RPL27A: variants seen among roughly 807,000 people sequenced by gnomAD.
RPL27A encodes the protein ribosomal protein L27a, also known as large ribosomal subunit protein uL15.
For synonymous variants in RPL27A, 69 were observed against 68.3 expected (o/e 1.01, Z -0.05); for missense variants, 118 against 189.4 (o/e 0.62, Z 2.21).
chr11:8,684,368 C>G, intron 3 of RPL27A: 1 of 726,158 alleles, frequency 1.4e-6, no homozygotes, highest in Non-Finnish European at 2.5e-6. Context: ...TCACATTCAC[C>G]TACCCACAAA....
chr11:8,683,404 GA>G, intron 2 of RPL27A, 139 bp downstream of exon 2: 4 of 696,580 alleles, frequency 5.7e-6, no homozygotes, highest in Non-Finnish European at 1.0e-5. Context: ...TTTTTCTGAC[GA>G]TCCTCTAGTA....
In RPL27A at chr11:8,689,339, G is replaced by C. The variant is rs2039617004; in HGVS notation, c.*3533G>C. 6.6e-6 allele frequency: 1 copy of C among 152,206 alleles called. No homozygotes were observed. The highest frequency in any genetic ancestry group is 2.4e-5 in the African/African-American group (1 of 41,444). 9.4% of individuals were successfully genotyped at this position (152,206 alleles called of 1,614,324 possible). A position where few individuals can be genotyped will look rare whatever the true frequency, so the allele number is the denominator to read the frequency against. On this transcript the variant is annotated 3_prime_UTR_variant, in exon 5 of 5. Transcript: ENST00000314138. ...TCAGCGACATTCAAGGGCACTTTGG[G>C]CTAAAAAAGAAAGTGCTTGTACACG...
chr11:8,684,569 GTTGT>G, intron 3 of RPL27A, 145 bp from the exon 4 acceptor site: 1 of 718,892 alleles, frequency 1.4e-6, no homozygotes, highest in Middle Eastern at 2.5e-4. Flanking sequence ...TTTTAAAACA[GTTGT>G]TTAAGTCAAC....
At position 8,687,992 on chromosome 11, in the gene RPL27A, G is replaced by T. The variant is rs2039603101; in HGVS notation, c.*2186G>T. Reference sequence around the variant, plus strand: ...TTACGGGAGCAGATGGAGTCAATTGGCCTTCATGTGATTGTCAGTGGGAAA... The same window carrying T: ...TTACGGGAGCAGATGGAGTCAATTGTCCTTCATGTGATTGTCAGTGGGAAA... On this transcript the variant is annotated 3_prime_UTR_variant, in exon 5 of 5. Transcript: ENST00000314138. The T allele has an allele frequency of 2.0e-5, 3 of 152,190 alleles. No homozygotes were observed. In the South Asian group the frequency reaches 6.2e-4, roughly 32 times the overall value. The allele number at this position is 152,190 out of a possible 1,614,324, so 9.4% of individuals were successfully genotyped here.
rs1419264218 is a variant in RPL27A at position 8,689,525 on chromosome 11, A to G, written c.*3719A>G. ...CGAAAGTATCTTGAGAAAAAAAAAA[A>G]AACTACCAGAACTTGCCGTTGCTGA... On this transcript the variant is annotated 3_prime_UTR_variant, in exon 5 of 5. Transcript: ENST00000314138. The G allele has an allele frequency of 1.3e-5, 2 of 152,176 alleles. No homozygotes were observed. Among genetic ancestry groups the G allele is most frequent in the Admixed American group, 6.5e-5 (1 of 15,284 alleles). The allele number at this position is 152,176 out of a possible 1,614,324, so 9.4% of individuals were successfully genotyped here. A position where few individuals can be genotyped will look rare whatever the true frequency, so the allele number is the denominator to read the frequency against.
rs752928073 is a variant in RPL27A at position 8,682,809 on chromosome 11, C to G, written c.-5C>G. 6.2e-7 allele frequency: 1 copy of G among 1,613,146 alleles called. No individual in the cohort carries two copies. Among genetic ancestry groups the G allele is most frequent in the Non-Finnish European group, 8.5e-7 (1 of 1,179,532 alleles). ...AGGCCTTCCTTTTTCGTCTGGGCTG[C>G]CAACATGGTAGGTGTTTCGTTTCTT... On this transcript the variant is annotated 5_prime_UTR_variant, in exon 1 of 5. Transcript: ENST00000314138.
At chr11:8,682,989 T>C (rs2039516024) in intron 1 of RPL27A, 173 bp downstream of exon 1, 6 of 944,828 alleles carry the variant, frequency 6.4e-6, no homozygotes, top group Middle Eastern at 2.2e-4. Context: ...CGGAGCCGTG[T>C]GTTAGGCCCG....
intron 4 of RPL27A, chr11:8,685,317 G>A: frequency 2.0e-6 from 1 of 512,618 alleles, no homozygotes; most frequent in Non-Finnish European, 3.8e-6. Context: ...CAGAACCCTA[G>A]GGACGCTTTA....
chr11:8,689,096 G>A lies in RPL27A; in HGVS notation c.*3290G>A, dbSNP rs761977558. On this transcript the variant is annotated 3_prime_UTR_variant, in exon 5 of 5. Transcript: ENST00000314138. ...GGCAAGGGCGGAGCCGGCCAGTGGT[G>A]CGCGAGCGCAGATAACTCCCCTGGA... 5 of 152,288 alleles carry A rather than the reference G, an allele frequency of 3.3e-5. No homozygotes were observed. Among genetic ancestry groups the A allele is most frequent in the Non-Finnish European group, 4.4e-5 (3 of 68,062 alleles). The allele number at this position is 152,288 out of a possible 1,614,324, so 9.4% of individuals were successfully genotyped here.
chr11:8,682,998 C>T (rs570193399), intron 1 of RPL27A, 182 bp downstream of exon 1: 1 of 910,778 alleles, frequency 1.1e-6, no homozygotes, highest in African/African-American at 1.7e-5. Flanking sequence ...GTGTTAGGCC[C>T]GCGGTTCGGA....
Position 8,689,528 on chromosome 11 carries a change from C to A in RPL27A, c.*3722C>A, listed in dbSNP as rs1455560275. The stretch of plus-strand genomic sequence containing the variant: ...AAGTATCTTGAGAAAAAAAAAAAAA[C>A]TACCAGAACTTGCCGTTGCTGAAAA... On this transcript the variant is annotated 3_prime_UTR_variant, in exon 5 of 5. Coordinates refer to ENST00000314138, the MANE Select transcript of RPL27A (RefSeq NM_000990.5). The A allele has an allele frequency of 6.6e-6, 1 of 150,782 alleles. No individual in the cohort carries two copies. Among genetic ancestry groups the A allele is most frequent in the African/African-American group, 2.4e-5 (1 of 40,998 alleles). The allele number at this position is 150,782 out of a possible 1,614,324, so 9.3% of individuals were successfully genotyped here. A position where few individuals can be genotyped will look rare whatever the true frequency, so the allele number is the denominator to read the frequency against.
At chr11:8,684,166 C>T in intron 3 of RPL27A, 85 bp downstream of exon 3, 3 of 1,104,666 alleles carry the variant, frequency 2.7e-6, no homozygotes, top group South Asian at 2.5e-5. Flanking sequence ...AGTTTAGAAG[C>T]AAGCCTTGCC....
chr11:8,688,917 A>G lies in RPL27A; in HGVS notation c.*3111A>G, dbSNP rs575937446. Reference sequence around the variant, plus strand: ...TCATCAGTCAGCACGACCCGACCTCAGTGGCGTCCTCACAACACAGACCGG... The same window carrying G: ...TCATCAGTCAGCACGACCCGACCTCGGTGGCGTCCTCACAACACAGACCGG... On this transcript the variant is annotated 3_prime_UTR_variant, in exon 5 of 5. Transcript: ENST00000314138. 1 of 152,396 alleles carries G rather than the reference A, an allele frequency of 6.6e-6. No homozygotes were observed. Among genetic ancestry groups the G allele is most frequent in the East Asian group, 1.9e-4 (1 of 5,182 alleles). 9.4% of individuals were successfully genotyped at this position (152,396 alleles called of 1,614,324 possible). A position where few individuals can be genotyped will look rare whatever the true frequency, so the allele number is the denominator to read the frequency against.
intron 2 of RPL27A, 93 bp from the exon 3 acceptor site, chr11:8,683,913 C>T (rs761523155): frequency 1.0e-6 from 1 of 974,162 alleles, no homozygotes; most frequent in Admixed American, 1.7e-5. Flanking sequence ...AACTCCTGAC[C>T]TCAGGTGATC....
chr11:8,683,042 G>C (rs1169578986), intron 1 of RPL27A, 160 bp from the exon 2 acceptor site: 14 of 864,402 alleles, frequency 1.6e-5, no homozygotes, highest in Non-Finnish European at 2.2e-5. Flanking sequence ...CGCTACCGTG[G>C]TGAGACCTCA....
rs530241285 is a variant in RPL27A, at chr11:8,686,096, A to C, written c.*290A>C. On this transcript the variant is annotated 3_prime_UTR_variant, in exon 5 of 5. Coordinates refer to ENST00000314138, the MANE Select transcript of RPL27A (RefSeq NM_000990.5). The stretch of plus-strand genomic sequence containing the variant: ...TCTGAATTTTACAGTGAATGAGAGA[A>C]TGTACCCTAATTGTTCAACAGGGCT... The C allele has an allele frequency of 9.4e-6, 3 of 318,934 alleles. No homozygotes were observed. The highest frequency in any genetic ancestry group is 1.8e-5 in the Non-Finnish European group (3 of 169,598). The allele number at this position is 318,934 out of a possible 1,614,324, so 19.8% of individuals were successfully genotyped here. A position where few individuals can be genotyped will look rare whatever the true frequency, so the allele number is the denominator to read the frequency against.
chr11:8,684,912 T>A lies in RPL27A; in HGVS notation c.318+20T>A. The A allele has an allele frequency of 4.3e-6, 7 of 1,611,980 alleles. No individual in the cohort carries two copies. The highest frequency in any genetic ancestry group is 4.2e-6 in the Non-Finnish European group (5 of 1,178,010). On this transcript the variant is annotated intron_variant, in intron 4 of 4. Coordinates refer to ENST00000314138, the MANE Select transcript of RPL27A (RefSeq NM_000990.5). ...CGATCGGTAAGTTAATTGGATGTTT[T>A]TCTGTACTTCCATACCTTCCCTTAC...
intron 2 of RPL27A, 181 bp downstream of exon 2, chr11:8,683,446 G>A (rs947028904): frequency 1.6e-6 from 1 of 615,974 alleles, no homozygotes; most frequent in Non-Finnish European, 2.9e-6. Context: ...ACATCAGTGG[G>A]GTAATAGGAA....
intron 4 of RPL27A, 80 bp downstream of exon 4, chr11:8,684,972 C>T: frequency 1.5e-6 from 2 of 1,329,640 alleles, no homozygotes; most frequent in Non-Finnish European, 2.2e-6. Context: ...CTTATATAAT[C>T]TGTACTTCCC....
Sources: allele counts gnomAD v4.1 joint callset, GRCh38; gene constraint gnomAD v4.1.1; transcripts MANE v1.5; gene names NCBI Gene and HGNC (gene_info 2026-07-23, HGNC 2026-07-21).